Variants in HCRTR2 observed in about 807,000 individuals in gnomAD.
The protein encoded by HCRTR2 is orexin receptor type 2.
A neutral mutation model predicts 49.0 loss-of-function variants in HCRTR2; 22 were observed. That is an observed-to-expected ratio of 0.45 (90% CI 0.32 to 0.64). The LOEUF (loss-of-function observed/expected upper bound fraction) is 0.64, where lower values mean the gene tolerates loss of function less well. HCRTR2 is among the 30% of genes least tolerant of loss of function. HCRTR2 has a pLI of 0.04. For missense variants in HCRTR2, 491 were observed against 559.4 expected, an observed-to-expected ratio of 0.88 and a Z score of 1.23; for synonymous variants, 236 against 205.3, an observed-to-expected ratio of 1.15 and a Z score of -1.28.
At chr6:55,280,261 C>A in intron 5 of HCRTR2, 62 bp from the exon 6 acceptor site, 1 of 1,109,614 alleles carries the variant, frequency 9.0e-7, no homozygotes, top group Non-Finnish European at 1.4e-6. Context: ...CTACCAATAG[C>A]CTTGTTCACC....
intron 1 of HCRTR2, among the ~76,000 whole-genome samples, chr6:55,200,186 C>T (rs73437006): frequency 0.055 from 8,195 of 148,396 alleles, 330 homozygotes; most frequent in African/African-American, 0.12. Flanking sequence ...CTTAAAATGT[C>T]GTTTTTTTTT....
At chr6:55,168,834 A>T (rs1397531512) in intron 1 of HCRTR2, among the ~76,000 whole-genome samples, 1 of 152,062 alleles carries the variant, frequency 6.6e-6, no homozygotes, top group African/African-American at 2.4e-5. Flanking sequence ...ATTTGTGAAG[A>T]TCAATTGAGT....
intron 1 of HCRTR2, among the ~76,000 whole-genome samples, chr6:55,151,914 G>A (rs1448590103): frequency 6.6e-6 from 1 of 151,576 alleles, no homozygotes; most frequent in Admixed American, 6.6e-5. Context: ...GACCACTTGG[G>A]TAGCCAGTGC....
At chr6:55,120,495 G>A (rs1159923383) in intron 1 of HCRTR2, among the ~76,000 whole-genome samples, 1 of 151,626 alleles carries the variant, frequency 6.6e-6, no homozygotes, top group Admixed American at 6.6e-5. Context: ...TGTATTCTTG[G>A]GTATTTTATT....
intron 4 of HCRTR2, among the ~76,000 whole-genome samples, chr6:55,271,816 A>G (rs1766978865): frequency 6.6e-6 from 1 of 152,146 alleles, no homozygotes; most frequent in South Asian, 2.1e-4. Context: ...CAAAATCATG[A>G]GAAACCTATT....
chr6:55,248,873 A>G (rs541929185), intron 2 of HCRTR2, 56 bp downstream of exon 2: 5 of 1,392,706 alleles, frequency 3.6e-6, no homozygotes, highest in Non-Finnish European at 5.1e-6. Context: ...AGCCATAGCG[A>G]TGGCCCTTAT....
chr6:55,281,401 A>G (rs1206550375), intron 6 of HCRTR2, among the ~76,000 whole-genome samples: 1 of 152,220 alleles, frequency 6.6e-6, no homozygotes, highest in Non-Finnish European at 1.5e-5. Context: ...AAGTGTTTGA[A>G]GCAGAAGTCA....
At chr6:55,136,031 G>A (rs942863035) in intron 1 of HCRTR2, among the ~76,000 whole-genome samples, 2 of 152,102 alleles carry the variant, frequency 1.3e-5, no homozygotes, top group African/African-American at 4.8e-5. Context: ...ATTAATAAAG[G>A]AAATATCTAA....
intron 5 of HCRTR2, 148 bp from the exon 6 acceptor site, chr6:55,280,175 C>G: frequency 1.6e-6 from 1 of 622,364 alleles, no homozygotes; most frequent in Non-Finnish European, 2.9e-6. Flanking sequence ...TGAAGTTATT[C>G]TAAACCAATT....
At chr6:55,280,996 T>A (rs1228466634) in intron 6 of HCRTR2, among the ~76,000 whole-genome samples, 1 of 152,174 alleles carries the variant, frequency 6.6e-6, no homozygotes, top group East Asian at 1.9e-4. Context: ...ACAATTTGTA[T>A]CTGTTTATGG....
chr6:55,218,323 A>G (rs1459327047), intron 1 of HCRTR2, among the ~76,000 whole-genome samples: 3 of 152,232 alleles, frequency 2.0e-5, no homozygotes, highest in Admixed American at 6.5e-5. Flanking sequence ...ATGAAACACA[A>G]AGGAGTACAG....
Position 55,174,703 on chromosome 6 carries a change from T to A in HCRTR2, c.116T>A (p.Phe39Tyr). 1 of 1,614,042 alleles carries A rather than the reference T, an allele frequency of 6.2e-7. No homozygotes were observed. The highest frequency in any genetic ancestry group is 8.5e-7 in the Non-Finnish European group (1 of 1,180,000). The change falls in exon 1 of 7, where the codon TTC becomes TAC. Residue 39 changes from phenylalanine (F) to tyrosine (Y), a missense_variant. Transcript: ENST00000370862. Reference sequence around the variant, plus strand: ...CCCACCGACTATGACGACGAGGAATTCCTGCGGTACCTGTGGAGGGAATAC... The same window carrying A: ...CCCACCGACTATGACGACGAGGAATACCTGCGGTACCTGTGGAGGGAATAC... ...LNPTDYDDEE[F>Y]LRYLWREYLH...
At chr6:55,174,929 C>A (rs981921507) in intron 1 of HCRTR2, 119 bp downstream of exon 1, 5 of 725,618 alleles carry the variant, frequency 6.9e-6, no homozygotes, top group African/African-American at 1.8e-5. Flanking sequence ...TCGCTGCTCT[C>A]GGATGGGGTT....
At chr6:55,237,508 G>T (rs946364539) in intron 1 of HCRTR2, among the ~76,000 whole-genome samples, 1 of 152,112 alleles carries the variant, frequency 6.6e-6, no homozygotes, top group Non-Finnish European at 1.5e-5. Context: ...TTTTGGTTAG[G>T]TACTAAATTT....
intron 1 of HCRTR2, among the ~76,000 whole-genome samples, chr6:55,148,977 C>A (rs953111241): frequency 6.6e-6 from 1 of 151,862 alleles, no homozygotes; most frequent in Admixed American, 6.6e-5. Flanking sequence ...AGTTGTGAAC[C>A]TACATATTGC....
At chr6:55,145,635 T>G (rs1764571078) in intron 1 of HCRTR2, among the ~76,000 whole-genome samples, 1 of 152,070 alleles carries the variant, frequency 6.6e-6, no homozygotes, top group African/African-American at 2.4e-5. Context: ...CAGGATGGTC[T>G]CAATCTCCTG....
At chr6:55,227,582 T>C (rs1266482593) in intron 1 of HCRTR2, among the ~76,000 whole-genome samples, 3 of 152,216 alleles carry the variant, frequency 2.0e-5, no homozygotes, top group Non-Finnish European at 4.4e-5. Context: ...ATCAAATATT[T>C]GACTATTGAC....
chr6:55,134,040 TTTC>T (rs1171361667), intron 1 of HCRTR2, among the ~76,000 whole-genome samples: 5 of 151,832 alleles, frequency 3.3e-5, no homozygotes, highest in African/African-American at 9.7e-5. Context: ...AACATATACA[TTTC>T]TTATTTCTTT....
chr6:55,174,192 CT>C (rs1200943273), upstream of HCRTR2: 564 of 175,290 alleles, frequency 3.2e-3, no homozygotes, highest in South Asian at 6.6e-3. Context: ...GTTTTCATTA[CT>C]TTTTTTTTTT....
Sources: allele counts gnomAD v4.1 joint callset (sites outside exome capture counted in the v4.1 genomes callset), GRCh38; gene constraint gnomAD v4.1.1; transcripts MANE v1.5; gene names NCBI Gene and HGNC (gene_info 2026-07-23, HGNC 2026-07-21).